Variants in FYN observed in about 807,000 individuals in gnomAD.
FYN encodes tyrosine-protein kinase Fyn.
A neutral mutation model predicts 70.2 loss-of-function variants in FYN; 10 were observed. The observed-to-expected ratio is 0.14, with a 90% CI of 0.09 to 0.24. FYN has a LOEUF of 0.24. Among genes scored for constraint, FYN ranks in the 10% least tolerant of loss-of-function variants. The probability of loss-of-function intolerance (pLI) is 1.00; values close to 1 mark genes in which losing one functional copy is unlikely to be tolerated. For synonymous variants in FYN, 236 were observed against 248.6 expected (o/e 0.95, Z 0.48); for missense variants, 319 against 673.1 (o/e 0.47, Z 5.82).
At chr6:111,869,038 G>A (rs1774193939) in intron 1 of FYN, among the ~76,000 whole-genome samples, 1 of 152,204 alleles carries the variant, frequency 6.6e-6, no homozygotes, top group Non-Finnish European at 1.5e-5. Context: ...AATGTCTGCA[G>A]AACAGATGAA....
chr6:111,787,282 A>G (rs1010200790), intron 2 of FYN, among the ~76,000 whole-genome samples: 2 of 152,246 alleles, frequency 1.3e-5, no homozygotes, highest in African/African-American at 4.8e-5. Flanking sequence ...CTTTCTACGT[A>G]TGGCTAGCCA....
chr6:111,684,394 G>A (rs1321441629), intron 12 of FYN, among the ~76,000 whole-genome samples: 1 of 152,194 alleles, frequency 6.6e-6, no homozygotes, highest in African/African-American at 2.4e-5. Flanking sequence ...AGAAGAGACA[G>A]AAGGTCCATC....
intron 1 of FYN, among the ~76,000 whole-genome samples, chr6:111,850,898 C>T (rs1425660155): frequency 2.6e-5 from 4 of 152,226 alleles, no homozygotes; most frequent in Non-Finnish European, 4.4e-5. Context: ...GAGCATTCCT[C>T]ATTGCCACGT....
At chr6:111,687,719 C>T (rs534217150) in intron 12 of FYN, among the ~76,000 whole-genome samples, 64 of 152,244 alleles carry the variant, frequency 4.2e-4, no homozygotes, top group African/African-American at 1.2e-3. Flanking sequence ...ATTACTACTA[C>T]TGCCAACTAC....
chr6:111,779,648 AG>A (rs1451806868), intron 3 of FYN, among the ~76,000 whole-genome samples: 24 of 152,286 alleles, frequency 1.6e-4, no homozygotes, highest in African/African-American at 4.6e-4. Flanking sequence ...GGATTCCCAC[AG>A]GTTCTTATGA....
At chr6:111,772,159 C>T (rs1382595829) in intron 3 of FYN, among the ~76,000 whole-genome samples, 1 of 151,978 alleles carries the variant, frequency 6.6e-6, no homozygotes, top group Non-Finnish European at 1.5e-5. Context: ...AAATGCTTTG[C>T]TAAAGTTATT....
intron 3 of FYN, among the ~76,000 whole-genome samples, chr6:111,742,880 C>T (rs1280513866): frequency 6.6e-6 from 1 of 151,880 alleles, no homozygotes; most frequent in Non-Finnish European, 1.5e-5. Context: ...CAATGAGTTA[C>T]AATTTGTCCT....
intron 2 of FYN, among the ~76,000 whole-genome samples, chr6:111,822,527 G>A (rs1184077050): frequency 6.6e-6 from 1 of 151,966 alleles, no homozygotes; most frequent in Non-Finnish European, 1.5e-5. Flanking sequence ...TATACCTAAT[G>A]TAAATGATGA....
chr6:111,688,170 C>A (rs551355492), intron 12 of FYN, among the ~76,000 whole-genome samples: 1 of 152,164 alleles, frequency 6.6e-6, no homozygotes, highest in Non-Finnish European at 1.5e-5. Flanking sequence ...TTAAAGGTAA[C>A]CAACACCAAT....
intron 5 of FYN, among the ~76,000 whole-genome samples, chr6:111,709,489 A>G (rs1008747442): frequency 6.6e-6 from 1 of 152,248 alleles, no homozygotes; most frequent in Admixed American, 6.5e-5. Flanking sequence ...GTTTGGTGGC[A>G]TAAGTAACAG....
At chr6:111,765,775 A>T (rs200952907) in intron 3 of FYN, among the ~76,000 whole-genome samples, 14 of 30,560 alleles carry the variant, frequency 4.6e-4, no homozygotes, top group Middle Eastern at 0.018. Context: ...ACTAGAAATT[A>T]AAAAAAAAAA....
intron 2 of FYN, among the ~76,000 whole-genome samples, chr6:111,809,775 G>C (rs1772265986): frequency 6.6e-6 from 1 of 152,062 alleles, no homozygotes; most frequent in Admixed American, 6.6e-5. Flanking sequence ...TTTTCTACTT[G>C]AGATGGTCAT....
chr6:111,688,534 C>T (rs1316232521), intron 12 of FYN, among the ~76,000 whole-genome samples: 2 of 152,166 alleles, frequency 1.3e-5, no homozygotes, highest in African/African-American at 2.4e-5. Context: ...CAAGGGCCCG[C>T]TGCTAGTCTT....
intron 1 of FYN, among the ~76,000 whole-genome samples, chr6:111,864,885 T>C (rs1562550386): frequency 6.6e-6 from 1 of 152,164 alleles, no homozygotes; most frequent in Admixed American, 6.5e-5. Flanking sequence ...ATTTGACTAA[T>C]GGGTATAATA....
intron 12 of FYN, among the ~76,000 whole-genome samples, chr6:111,683,641 A>G (rs1414668770): frequency 1.3e-5 from 2 of 152,186 alleles, no homozygotes; most frequent in Non-Finnish European, 2.9e-5. Flanking sequence ...CTTTTTAATT[A>G]TAAAGCCACT....
At chr6:111,825,540 A>G (rs1003451796) in intron 2 of FYN, among the ~76,000 whole-genome samples, 2 of 152,230 alleles carry the variant, frequency 1.3e-5, no homozygotes, top group Admixed American at 1.3e-4. Context: ...ATTAAATTAT[A>G]TAAGGTAAGA....
intron 2 of FYN, among the ~76,000 whole-genome samples, chr6:111,781,930 CTA>C (rs1468911767): frequency 1.3e-5 from 2 of 152,160 alleles, no homozygotes; most frequent in South Asian, 2.1e-4. Flanking sequence ...ATATCTATAA[CTA>C]TGAAAATATT....
chr6:111,738,061 T>C (rs1801785594), intron 3 of FYN, among the ~76,000 whole-genome samples: 1 of 152,214 alleles, frequency 6.6e-6, no homozygotes. Context: ...TCCATTTCTA[T>C]ATTGCAATTC....
At chr6:111,800,336 A>G (rs1189402018) in intron 2 of FYN, among the ~76,000 whole-genome samples, 4 of 152,196 alleles carry the variant, frequency 2.6e-5, no homozygotes, top group Non-Finnish European at 5.9e-5. Flanking sequence ...CACAGGTCTC[A>G]GCACAGGGTA....
Sources: allele counts gnomAD v4.1 joint callset (sites outside exome capture counted in the v4.1 genomes callset), GRCh38; gene constraint gnomAD v4.1.1; transcripts MANE v1.5; gene names NCBI Gene and HGNC (gene_info 2026-07-23, HGNC 2026-07-21).